PRKAR1B: variants seen among roughly 807,000 people sequenced by gnomAD.
PRKAR1B encodes the protein cAMP-dependent protein kinase type I-beta regulatory subunit.
Under a neutral mutation model 46.5 loss-of-function variants are expected in PRKAR1B, and 22 were observed. That is an observed-to-expected ratio of 0.47 (90% CI 0.34 to 0.68). The LOEUF (loss-of-function observed/expected upper bound fraction) is 0.68. Among genes scored for constraint, PRKAR1B ranks in the 30% least tolerant of loss-of-function variants. PRKAR1B has a pLI of 0.01. For synonymous variants in PRKAR1B, 259 were observed against 217.7 expected, an observed-to-expected ratio of 1.19 and a Z score of -1.67; for missense variants, 445 against 535.6, an observed-to-expected ratio of 0.83 and a Z score of 1.67.
chr7:594,764 T>C (rs1583268108), intron 7 of PRKAR1B, among the ~76,000 whole-genome samples: 1 of 147,642 alleles, frequency 6.8e-6, no homozygotes, highest in African/African-American at 2.5e-5. Context: ...ATGAGGGGAC[T>C]CCCCCAGACC....
At chr7:693,237 GCTTTT>G (rs1779537430) in intron 2 of PRKAR1B, among the ~76,000 whole-genome samples, 1 of 143,668 alleles carries the variant, frequency 7.0e-6, no homozygotes, top group South Asian at 2.3e-4. Context: ...GTCCTGTCGA[GCTTTT>G]TTTTTTTTTT....
intron 4 of PRKAR1B, among the ~76,000 whole-genome samples, chr7:643,090 T>C (rs1392610674): frequency 6.6e-6 from 1 of 151,624 alleles, no homozygotes; most frequent in Non-Finnish European, 1.5e-5. Flanking sequence ...CATTGGCCGT[T>C]GGTATGAATG....
At chr7:612,004 T>C (rs1782527227) in intron 4 of PRKAR1B, among the ~76,000 whole-genome samples, 1 of 150,320 alleles carries the variant, frequency 6.7e-6, no homozygotes, top group Non-Finnish European at 1.5e-5. Flanking sequence ...GACAGATGGA[T>C]GGACGGACAG....
In PRKAR1B at chr7:570,760, G is replaced by T. The variant is rs930415952; in HGVS notation, c.891+8496C>A. 1.1e-4 allele frequency among the ~76,000 whole-genome samples: 17 copies of T among 152,180 alleles called. 1 individual carries two copies. The highest frequency in any genetic ancestry group is 8.3e-4 in the South Asian group (4 of 4,818). On this transcript the variant is annotated intron_variant, in intron 9 of 10. Transcript: ENST00000537384. ...CCCCGGTCAGCAGAGCTCTGCAACC[G>T]GAGCCCCCCAGACTCACCCTGCCCG...
intron 6 of PRKAR1B, among the ~76,000 whole-genome samples, chr7:599,919 G>A (rs933874495): frequency 2.0e-5 from 3 of 146,752 alleles, no homozygotes; most frequent in South Asian, 4.4e-4. Context: ...GTGTTTAGAA[G>A]TCAATGGTGG....
intron 6 of PRKAR1B, among the ~76,000 whole-genome samples, chr7:603,741 GA>G (rs1781803206): frequency 7.1e-6 from 1 of 140,090 alleles, no homozygotes; most frequent in Non-Finnish European, 1.5e-5. Context: ...CCAGAGTGGA[GA>G]GGGTGGGGGA....
rs564402299 is a variant in PRKAR1B, at chr7:602,194, G to A, written c.549+3999C>T. ...CTGGGAGGGGACCCAGTGAGCTCAG[G>A]GCTGGAGGAAACGGTCCCTGCTTTG... On this transcript the variant is annotated intron_variant, in intron 6 of 10. Transcript: ENST00000537384. The surrounding 1 kb of genome is among the most constrained non-coding windows in gnomAD (Gnocchi z 6.4). Among the ~76,000 whole-genome samples, 25 of 152,248 alleles carry A rather than the reference G, an allele frequency of 1.6e-4. No individual in the cohort carries two copies. Among genetic ancestry groups the A allele is most frequent in the Non-Finnish European group, 2.9e-4 (20 of 67,988 alleles).
intron 4 of PRKAR1B, among the ~76,000 whole-genome samples, chr7:665,872 C>T (rs1785887605): frequency 6.6e-6 from 1 of 152,240 alleles, no homozygotes; most frequent in Admixed American, 6.5e-5. Context: ...CAGAGATACG[C>T]GGGTGGGAGG....
chr7:665,784 G>A (rs766412419), intron 4 of PRKAR1B, among the ~76,000 whole-genome samples: 12 of 152,338 alleles, frequency 7.9e-5, no homozygotes, highest in Non-Finnish European at 1.3e-4. Flanking sequence ...GCTCCCTTCA[G>A]CTGCCCGTGA....
At chr7:685,594 G>C (rs1291058090) in intron 2 of PRKAR1B, among the ~76,000 whole-genome samples, 1 of 150,900 alleles carries the variant, frequency 6.6e-6, no homozygotes, top group East Asian at 2.0e-4. Flanking sequence ...GTACTTCCAG[G>C]GATAAGAATT....
intron 9 of PRKAR1B, among the ~76,000 whole-genome samples, chr7:559,093 G>A (rs992245886): frequency 1.3e-5 from 2 of 152,204 alleles, no homozygotes; most frequent in African/African-American, 4.8e-5. Context: ...TCAGTCACTC[G>A]TCTACTGCAT....
At chr7:655,422 T>A (rs1002779354) in intron 4 of PRKAR1B, among the ~76,000 whole-genome samples, 1 of 152,176 alleles carries the variant, frequency 6.6e-6, no homozygotes, top group Admixed American at 6.5e-5. Flanking sequence ...TTTCCCCAGA[T>A]AAATTCCTGG....
At chr7:693,115 A>G (rs1257098811) in intron 2 of PRKAR1B, among the ~76,000 whole-genome samples, 1 of 151,434 alleles carries the variant, frequency 6.6e-6, no homozygotes, top group Non-Finnish European at 1.5e-5. Flanking sequence ...TTGTATTTTT[A>G]TTAGAGACAG....
chr7:596,051 C>A, intron 7 of PRKAR1B, 95 bp downstream of exon 7: 18 of 1,478,268 alleles, frequency 1.2e-5, no homozygotes, highest in Non-Finnish European at 1.6e-5. Flanking sequence ...TGTCTTTTCT[C>A]CAGGTGCATC....
chr7:684,435 T>C (rs1039353890), intron 2 of PRKAR1B, among the ~76,000 whole-genome samples: 2 of 152,222 alleles, frequency 1.3e-5, no homozygotes, highest in African/African-American at 4.8e-5. Context: ...TATGCATATA[T>C]ACATCTACCA....
At chr7:616,230 C>A (rs1436840534) in intron 4 of PRKAR1B, among the ~76,000 whole-genome samples, 1 of 152,270 alleles carries the variant, frequency 6.6e-6, no homozygotes, top group Admixed American at 6.5e-5. Flanking sequence ...AGGCAGCCCC[C>A]TGGCTCTCAC....
At chr7:688,977 C>T (rs1429299770) in intron 2 of PRKAR1B, among the ~76,000 whole-genome samples, 1 of 152,040 alleles carries the variant, frequency 6.6e-6, no homozygotes, top group African/African-American at 2.4e-5. Flanking sequence ...TCAAGAGAAG[C>T]AACAGACAAT....
At chr7:640,560 C>T (rs1743998936) in intron 4 of PRKAR1B, among the ~76,000 whole-genome samples, 1 of 152,116 alleles carries the variant, frequency 6.6e-6, no homozygotes, top group South Asian at 2.1e-4. Context: ...GTCAGGAGTT[C>T]GAGACCAACC....
rs1177446855 is a variant in PRKAR1B, at chr7:710,643, CTT to C, written c.177+684_177+685del. On this transcript the variant is annotated intron_variant, in intron 2 of 10. Transcript: ENST00000537384. ...AGCCATGGGAGCTATTTTCTTTTTC[CTT>C]TTTTTTTTTTTTTTTTTTGAGACGG... 4.5e-3 allele frequency among the ~76,000 whole-genome samples: 621 copies of C among 137,574 alleles called. 3 individuals are homozygous for C. Among genetic ancestry groups the C allele is most frequent in the African/African-American group, 0.016 (578 of 36,596 alleles). The allele number at this position is 137,574 out of a possible 152,430, so 90.3% of individuals were successfully genotyped here.
Sources: allele counts gnomAD v4.1 joint callset (sites outside exome capture counted in the v4.1 genomes callset), GRCh38; gene constraint gnomAD v4.1.1; non-coding constraint Gnocchi (gnomAD v3.1); transcripts MANE v1.5; gene names NCBI Gene and HGNC (gene_info 2026-07-23, HGNC 2026-07-21).